Variants in DOCK10 observed in about 807,000 individuals in gnomAD.
DOCK10 encodes the protein dedicator of cytokinesis protein 10.
Under a neutral mutation model 280.1 loss-of-function variants are expected in DOCK10, and 145 were observed. The observed-to-expected ratio is 0.52, with a 90% CI of 0.45 to 0.59. DOCK10 has a LOEUF of 0.59. Among genes scored for constraint, DOCK10 ranks in the 20% least tolerant of loss-of-function variants. The probability of loss-of-function intolerance (pLI) is 0.00; values close to 1 mark genes in which losing one functional copy is unlikely to be tolerated. For missense variants in DOCK10, 2,368 were observed against 2,651.7 expected, an observed-to-expected ratio of 0.89 and a Z score of 2.35; for synonymous variants, 915 against 942.2, an observed-to-expected ratio of 0.97 and a Z score of 0.53.
chr2:224,920,218 A>G (rs905564602), intron 2 of DOCK10, among the ~76,000 whole-genome samples: 10 of 145,492 alleles, frequency 6.9e-5, no homozygotes, highest in African/African-American at 7.8e-5. Context: ...GCGCACCACT[A>G]TGCCTGGCTA....
chr2:225,010,969 C>T (rs78267865), intron 1 of DOCK10, among the ~76,000 whole-genome samples: 1,730 of 152,260 alleles, frequency 0.011, 34 homozygotes, highest in African/African-American at 0.039. Flanking sequence ...GAGTCAAATA[C>T]TTCGAAGGGA....
chr2:225,035,561 T>TG (rs1382340591), intron 1 of DOCK10, among the ~76,000 whole-genome samples: 3 of 52,638 alleles, frequency 5.7e-5, no homozygotes, highest in African/African-American at 1.5e-4. Flanking sequence ...TATATATATA[T>TG]ATATATATAT....
At chr2:224,844,322 G>C (rs1358119260) in intron 22 of DOCK10, among the ~76,000 whole-genome samples, 2 of 152,220 alleles carry the variant, frequency 1.3e-5, no homozygotes, top group East Asian at 3.9e-4. Flanking sequence ...TAGAGATGGG[G>C]TTTCTCCATG....
intron 1 of DOCK10, among the ~76,000 whole-genome samples, chr2:224,973,523 T>C (rs1464231414): frequency 1.3e-5 from 2 of 151,990 alleles, no homozygotes; most frequent in Admixed American, 6.6e-5. Context: ...GGGCAGCCTC[T>C]AGAACTTGGA....
At chr2:225,008,553 T>C (rs1689342740) in intron 1 of DOCK10, among the ~76,000 whole-genome samples, 1 of 152,220 alleles carries the variant, frequency 6.6e-6, no homozygotes. Context: ...ACTGGGTAAC[T>C]ACCTACATTT....
At chr2:224,803,399 C>A (rs761231482) in intron 39 of DOCK10, among the ~76,000 whole-genome samples, 1 of 151,892 alleles carries the variant, frequency 6.6e-6, no homozygotes, top group African/African-American at 2.4e-5. Context: ...CTTTCTAAAA[C>A]CCTTTCTAAA....
Position 224,972,295 on chromosome 2 carries a change from T to C in DOCK10, c.124-40627A>G, listed in dbSNP as rs369005490. On this transcript the variant is annotated intron_variant, in intron 1 of 55. Coordinates refer to ENST00000258390, the MANE Select transcript of DOCK10 (RefSeq NM_014689.3). ...TGTGGGTTACTCAGTTCTCATAAAGTGTATGAAAGCAAAGAAGGCCCTTGA... is the reference window on the plus strand; with the variant it reads ...TGTGGGTTACTCAGTTCTCATAAAGCGTATGAAAGCAAAGAAGGCCCTTGA... Among the ~76,000 whole-genome samples, 124 of 152,328 alleles carry C rather than the reference T, an allele frequency of 8.1e-4. No homozygotes were observed. The South Asian group carries it at 0.011, about 14-fold the overall frequency.
intron 11 of DOCK10, among the ~76,000 whole-genome samples, chr2:224,869,979 T>C (rs375380664): frequency 6.6e-6 from 1 of 152,172 alleles, no homozygotes; most frequent in South Asian, 2.1e-4. Flanking sequence ...GACATTACCA[T>C]TTGAGGTAAT....
chr2:224,864,761 CT>C, intron 12 of DOCK10, 86 bp from the exon 13 acceptor site: 1 of 1,584,364 alleles, frequency 6.3e-7, no homozygotes, highest in African/African-American at 1.4e-5. Context: ...AAAAGGACAG[CT>C]TTAAGGGAAT....
intron 1 of DOCK10, among the ~76,000 whole-genome samples, chr2:224,965,774 T>C (rs1704701468): frequency 6.6e-6 from 1 of 152,194 alleles, no homozygotes; most frequent in African/African-American, 2.4e-5. Flanking sequence ...AAATACTCTT[T>C]CTTGAGAATT....
At chr2:224,789,032 C>T (rs769649901) in intron 48 of DOCK10, 32 bp downstream of exon 48, 6 of 1,400,666 alleles carry the variant, frequency 4.3e-6, no homozygotes, top group African/African-American at 1.4e-5. Flanking sequence ...CTCTTTCCTT[C>T]GTTACTGTAC....
intron 3 of DOCK10, among the ~76,000 whole-genome samples, chr2:224,912,643 A>G (rs574412881): frequency 6.6e-6 from 1 of 152,148 alleles, no homozygotes; most frequent in Non-Finnish European, 1.5e-5. Context: ...GCCTTATATA[A>G]ACATATTTGT....
intron 50 of DOCK10, among the ~76,000 whole-genome samples, chr2:224,785,415 A>G (rs1662660724): frequency 6.6e-6 from 1 of 152,150 alleles, no homozygotes; most frequent in Non-Finnish European, 1.5e-5. Flanking sequence ...ATTTGTTTAT[A>G]ATAAATGGCT....
At chr2:224,923,700 AT>A in intron 2 of DOCK10, among the ~76,000 whole-genome samples, 1 of 152,340 alleles carries the variant, frequency 6.6e-6, no homozygotes, top group Admixed American at 6.5e-5. Context: ...GGCCAGCCTC[AT>A]TCCTGCACAG....
intron 2 of DOCK10, among the ~76,000 whole-genome samples, chr2:224,918,144 G>A (rs533423120): frequency 7.2e-5 from 11 of 152,264 alleles, no homozygotes; most frequent in Admixed American, 6.5e-4. Flanking sequence ...TCCAATCCTG[G>A]ACTCTTATTT....
Position 225,042,078 on chromosome 2 carries a change from G to A in DOCK10, c.123+174C>T, listed in dbSNP as rs1690447475. ...CCGGTCCTTACGCGTCGGTGGCGCT[G>A]CCTCGCTGAGGTGGCGCCGGGGGAG... On this transcript the variant is annotated intron_variant, in intron 1 of 55. Transcript: ENST00000258390. The surrounding 1 kb of genome is among the most constrained non-coding windows in gnomAD (Gnocchi z 5.1). Among the ~76,000 whole-genome samples, 1 of 152,208 alleles carries A rather than the reference G, an allele frequency of 6.6e-6. No individual in the cohort carries two copies. The highest frequency in any genetic ancestry group is 2.1e-4 in the South Asian group (1 of 4,836).
chr2:225,037,914 T>C (rs892562470), intron 1 of DOCK10, among the ~76,000 whole-genome samples: 5 of 152,182 alleles, frequency 3.3e-5, no homozygotes, highest in East Asian at 1.9e-4. Flanking sequence ...ATAAAAAACA[T>C]TGGCAGACAC....
intron 1 of DOCK10, among the ~76,000 whole-genome samples, chr2:224,952,983 C>G (rs549192210): frequency 6.6e-6 from 1 of 152,136 alleles, no homozygotes; most frequent in Non-Finnish European, 1.5e-5. Flanking sequence ...TCTAAGCAAC[C>G]GGGGGGCAGA....
intron 27 of DOCK10, among the ~76,000 whole-genome samples, chr2:224,830,309 T>C (rs1298079758): frequency 9.9e-5 from 15 of 152,220 alleles, no homozygotes; most frequent in Non-Finnish European, 1.5e-5. Context: ...TCCTTTATAG[T>C]TATTTCCCTC....
Sources: allele counts gnomAD v4.1 joint callset (sites outside exome capture counted in the v4.1 genomes callset), GRCh38; gene constraint gnomAD v4.1.1; non-coding constraint Gnocchi (gnomAD v3.1); transcripts MANE v1.5; gene names NCBI Gene and HGNC (gene_info 2026-07-23, HGNC 2026-07-21).